RUFY3: variants seen among roughly 807,000 people sequenced by gnomAD.
RUFY3 encodes RUN and FYVE domain containing 3.
A neutral mutation model predicts 84.0 loss-of-function variants in RUFY3; 34 were observed. The ratio of observed to expected loss-of-function variants is 0.40; its 90% CI spans 0.31 to 0.54. The LOEUF is 0.54. RUFY3 is among the 20% of genes least tolerant of loss of function. The pLI is 0.39. For synonymous variants in RUFY3, 242 were observed against 252.9 expected, an observed-to-expected ratio of 0.96 and a Z score of 0.41; for missense variants, 507 against 736.8, an observed-to-expected ratio of 0.69 and a Z score of 3.61.
intron 16 of RUFY3, among the ~76,000 whole-genome samples, chr4:70,803,656 C>T (rs1454340503): frequency 6.6e-6 from 1 of 152,026 alleles, no homozygotes; most frequent in Non-Finnish European, 1.5e-5. Context: ...AAGTGATCTT[C>T]CCGCCTTGGC....
At chr4:70,790,253 C>T (rs563045356) in intron 12 of RUFY3, among the ~76,000 whole-genome samples, 33 of 152,300 alleles carry the variant, frequency 2.2e-4, no homozygotes, top group Non-Finnish European at 1.5e-5. Flanking sequence ...TCTTTCTGTG[C>T]TTATGTGAAA....
At chr4:70,753,817 A>G (rs1039409404) in intron 1 of RUFY3, among the ~76,000 whole-genome samples, 4 of 152,082 alleles carry the variant, frequency 2.6e-5, no homozygotes, top group African/African-American at 7.3e-5. Context: ...ATGAATGTGC[A>G]TGGTTTCCAA....
intron 14 of RUFY3, among the ~76,000 whole-genome samples, chr4:70,796,946 C>CTT (rs1203826586): frequency 2.2e-5 from 3 of 135,174 alleles, no homozygotes; most frequent in African/African-American, 5.9e-5. Flanking sequence ...CTTTTCTTTT[C>CTT]TTTTTTTTTT....
At chr4:70,802,173 C>T (rs967250636) in intron 15 of RUFY3, among the ~76,000 whole-genome samples, 1 of 152,166 alleles carries the variant, frequency 6.6e-6, no homozygotes, top group Admixed American at 6.5e-5. Context: ...TCTGCACTAC[C>T]TATTAGCAAC....
intron 10 of RUFY3, among the ~76,000 whole-genome samples, chr4:70,788,162 G>A (rs571667439): frequency 7.3e-4 from 111 of 152,020 alleles, no homozygotes; most frequent in South Asian, 1.7e-3. Flanking sequence ...GCATGCACCC[G>A]TAGTCCCAGC....
At chr4:70,800,881 CAAAT>C (rs1323383110) in intron 15 of RUFY3, among the ~76,000 whole-genome samples, 4 of 151,600 alleles carry the variant, frequency 2.6e-5, no homozygotes, top group African/African-American at 9.7e-5. Context: ...GACTCTGTCT[CAAAT>C]AAAAAAAAAA....
At chr4:70,765,721 C>T (rs1317136331) in intron 4 of RUFY3, among the ~76,000 whole-genome samples, 2 of 151,274 alleles carry the variant, frequency 1.3e-5, no homozygotes, top group African/African-American at 4.9e-5. Flanking sequence ...AGCTCATTCA[C>T]TTGCTGTTTT....
chr4:70,705,729 C>T (rs999044061), intron 1 of RUFY3, among the ~76,000 whole-genome samples: 13 of 152,298 alleles, frequency 8.5e-5, no homozygotes, highest in African/African-American at 3.1e-4. Context: ...ACCCCGTGGC[C>T]CCTCTGACCC....
At chr4:70,706,901 T>C (rs1577870495) in intron 1 of RUFY3, among the ~76,000 whole-genome samples, 1 of 152,212 alleles carries the variant, frequency 6.6e-6, no homozygotes, top group African/African-American at 2.4e-5. Flanking sequence ...ACACCGCCTC[T>C]TTTTTTGTTT....
At chr4:70,754,701 C>CT in intron 1 of RUFY3, among the ~76,000 whole-genome samples, 1 of 151,920 alleles carries the variant, frequency 6.6e-6, no homozygotes, top group South Asian at 2.1e-4. Context: ...ACGCTAAGGT[C>CT]TTTTTAGTAC....
chr4:70,794,703 C>T (rs1461310636), intron 13 of RUFY3, 92 bp from the exon 14 acceptor site: 1 of 796,656 alleles, frequency 1.3e-6, no homozygotes, highest in East Asian at 2.5e-5. Context: ...TTCGTAATTA[C>T]TGCACTTTAA....
intron 1 of RUFY3, chr4:70,734,450 G>C: frequency 1.0e-6 from 1 of 985,338 alleles, no homozygotes; most frequent in Non-Finnish European, 1.2e-6. Context: ...GTGTTCAGAA[G>C]GCAGTCTCAG....
Position 70,722,473 on chromosome 4 carries a change from G to A in RUFY3, c.-101G>A. On this transcript the variant is annotated 5_prime_UTR_variant, in exon 1 of 18. Coordinates refer to ENST00000381006, the MANE Select transcript of RUFY3 (RefSeq NM_001037442.4). ...CCTGAAAGCTTTGTTTCAGAGCTTT[G>A]TATTGGGTTTTTTTGGTGAGGAGGT... The A allele has an allele frequency of 7.1e-7, 1 of 1,404,942 alleles. No individual in the cohort carries two copies. The allele number at this position is 1,404,942 out of a possible 1,614,324, so 87.0% of individuals were successfully genotyped here. A position where few individuals can be genotyped will look rare whatever the true frequency, so the allele number is the denominator to read the frequency against.
rs531542020 is a variant in RUFY3 at position 70,722,010 on chromosome 4, G to A, written c.-564G>A. 14 of 1,232,062 alleles carry A rather than the reference G, an allele frequency of 1.1e-5. No homozygotes were observed. The highest frequency in any genetic ancestry group is 3.2e-5 in the East Asian group (1 of 31,724). The allele number at this position is 1,232,062 out of a possible 1,614,324, so 76.3% of individuals were successfully genotyped here. Reference sequence around the variant, plus strand: ...GGTCAACACCCTGCTTACTGCGCACGGCCAATCCTATGAGAACTCAGCATC... The same window carrying A: ...GGTCAACACCCTGCTTACTGCGCACAGCCAATCCTATGAGAACTCAGCATC... On this transcript the variant is annotated 5_prime_UTR_variant, in exon 1 of 18. Coordinates refer to ENST00000381006, the MANE Select transcript of RUFY3 (RefSeq NM_001037442.4).
chr4:70,741,629 T>C, intron 1 of RUFY3: 1 of 1,524,194 alleles, frequency 6.6e-7, no homozygotes, highest in Non-Finnish European at 8.8e-7. Context: ...TTGCAAAGAC[T>C]CTTGGGAGGA....
chr4:70,706,876 T>C (rs1416377860), intron 1 of RUFY3, among the ~76,000 whole-genome samples: 1 of 152,256 alleles, frequency 6.6e-6, no homozygotes, highest in African/African-American at 2.4e-5. Context: ...GGAATCCTTC[T>C]ACTTTGTACT....
In RUFY3 at chr4:70,744,655, T is replaced by A. The variant is rs930589425; in HGVS notation, c.179-17864T>A. On this transcript the variant is annotated intron_variant, in intron 1 of 17. Transcript: ENST00000381006. ...CACAATTGAAGCTTCTTATTTTGAA[T>A]TTTTTTTTTTTTTTTTGAGATGGAG... Among the ~76,000 whole-genome samples, 372 of 109,828 alleles carry A rather than the reference T, an allele frequency of 3.4e-3. 2 individuals carry two copies. The highest frequency in any genetic ancestry group is 0.023 in the African/African-American group (359 of 15,850). 72.1% of individuals were successfully genotyped at this position (109,828 alleles called of 152,430 possible). A position where few individuals can be genotyped will look rare whatever the true frequency, so the allele number is the denominator to read the frequency against.
intron 13 of RUFY3, 45 bp from the exon 14 acceptor site, chr4:70,794,750 A>G (rs778209355): frequency 1.6e-6 from 2 of 1,266,782 alleles, no homozygotes; most frequent in Non-Finnish European, 2.3e-6. Flanking sequence ...ATATGTCTGT[A>G]TAGAATTCCA....
chr4:70,792,833 C>T (rs752565326), intron 12 of RUFY3: 7 of 985,334 alleles, frequency 7.1e-6, no homozygotes, highest in Non-Finnish European at 8.4e-6. Context: ...GTGGAAGATC[C>T]TGTGCTCTTG....
Sources: gnomAD v4.1 joint callset for allele counts (sites outside exome capture counted in the v4.1 genomes callset) on GRCh38, gnomAD v4.1.1 for gene constraint, MANE v1.5 for transcripts, NCBI Gene and HGNC (gene_info 2026-07-23, HGNC 2026-07-21) for gene names.